Variants in GRID2 observed in about 807,000 individuals in gnomAD.
GRID2 encodes glutamate receptor ionotropic, delta-2.
A neutral mutation model predicts 114.8 loss-of-function variants in GRID2; 33 were observed. That is an observed-to-expected ratio of 0.29 (90% CI 0.22 to 0.38). The LOEUF (loss-of-function observed/expected upper bound fraction) is 0.38, where lower values mean the gene tolerates loss of function less well. Among genes scored for constraint, GRID2 ranks in the 10% least tolerant of loss-of-function variants. GRID2 has a pLI of 1.00. For missense variants in GRID2, 1,184 were observed against 1,257.7 expected (o/e 0.94, Z 0.89); for synonymous variants, 505 against 449.9 (o/e 1.12, Z -1.55).
chr4:93,752,141 A>G (rs930274620), intron 14 of GRID2, among the ~76,000 whole-genome samples: 1 of 152,144 alleles, frequency 6.6e-6, no homozygotes, highest in Non-Finnish European at 1.5e-5. Flanking sequence ...TAGTCTTTAT[A>G]ATGATTATAA....
intron 1 of GRID2, among the ~76,000 whole-genome samples, chr4:92,339,154 C>G (rs1296407357): frequency 6.6e-6 from 1 of 151,944 alleles, no homozygotes; most frequent in Non-Finnish European, 1.5e-5. Flanking sequence ...TACCATGTAT[C>G]AAAAAATAAA....
chr4:93,738,520 G>A (rs186981252), intron 14 of GRID2, among the ~76,000 whole-genome samples: 1 of 152,138 alleles, frequency 6.6e-6, no homozygotes, highest in African/African-American at 2.4e-5. Flanking sequence ...ATATAACTAG[G>A]GGAAGACTTA....
At chr4:92,729,542 C>T (rs932868963) in intron 2 of GRID2, among the ~76,000 whole-genome samples, 4 of 152,042 alleles carry the variant, frequency 2.6e-5, no homozygotes, top group African/African-American at 9.6e-5. Flanking sequence ...TTTGGCATTT[C>T]CTGAAGCATT....
intron 1 of GRID2, among the ~76,000 whole-genome samples, chr4:92,467,433 A>G (rs868000928): frequency 1.3e-5 from 2 of 152,012 alleles, no homozygotes; most frequent in Non-Finnish European, 2.9e-5. Flanking sequence ...TTTAATCTAA[A>G]CTAGACTGAT....
At chr4:93,508,339 G>A (rs1277258001) in intron 12 of GRID2, among the ~76,000 whole-genome samples, 1 of 151,696 alleles carries the variant, frequency 6.6e-6, no homozygotes, top group African/African-American at 2.4e-5. Flanking sequence ...TGGGACTGCA[G>A]GCACCCACCA....
chr4:92,941,070 A>T (rs1241593052), intron 2 of GRID2, among the ~76,000 whole-genome samples: 1 of 152,166 alleles, frequency 6.6e-6, no homozygotes, highest in African/African-American at 2.4e-5. Context: ...TATCAGGATG[A>T]TGCTGGCCTC....
chr4:93,454,683 C>A (rs1207688873), intron 10 of GRID2, among the ~76,000 whole-genome samples: 1 of 152,004 alleles, frequency 6.6e-6, no homozygotes, highest in African/African-American at 2.4e-5. Flanking sequence ...TGTTACTTTT[C>A]ATATCTTTCT....
intron 8 of GRID2, among the ~76,000 whole-genome samples, chr4:93,328,987 T>G (rs1758150737): frequency 6.6e-6 from 1 of 152,206 alleles, no homozygotes; most frequent in Admixed American, 6.5e-5. Flanking sequence ...GCAGTTTTAG[T>G]ACCTACTATA....
chr4:92,925,284 G>C (rs528437133), intron 2 of GRID2, among the ~76,000 whole-genome samples: 51 of 152,166 alleles, frequency 3.4e-4, no homozygotes, highest in African/African-American at 1.1e-3. Context: ...TGAGATTTCT[G>C]TGTCAAGGTT....
chr4:92,672,768 G>C (rs984823620), intron 2 of GRID2, among the ~76,000 whole-genome samples: 4 of 152,038 alleles, frequency 2.6e-5, no homozygotes, highest in Non-Finnish European at 5.9e-5. Context: ...ATATAATCAA[G>C]TCAGGGTAAT....
intron 4 of GRID2, among the ~76,000 whole-genome samples, chr4:93,176,478 T>C (rs1008851300): frequency 6.6e-6 from 1 of 152,184 alleles, no homozygotes; most frequent in African/African-American, 2.4e-5. Context: ...AAAACATGAA[T>C]TTAACATTTA....
At chr4:93,625,987 G>A (rs1742694354) in intron 13 of GRID2, among the ~76,000 whole-genome samples, 1 of 152,112 alleles carries the variant, frequency 6.6e-6, no homozygotes, top group African/African-American at 2.4e-5. Flanking sequence ...CATTGTATTA[G>A]GTATCATAAG....
At chr4:93,050,421 T>A (rs1726582257) in intron 2 of GRID2, among the ~76,000 whole-genome samples, 1 of 151,828 alleles carries the variant, frequency 6.6e-6, no homozygotes. Context: ...CAAAGTGTAA[T>A]CAGCAGCTGC....
At chr4:92,470,373 C>A (rs1579421089) in intron 1 of GRID2, among the ~76,000 whole-genome samples, 1 of 151,260 alleles carries the variant, frequency 6.6e-6, no homozygotes, top group East Asian at 1.9e-4. Context: ...TAATTTTAAC[C>A]CCCTGTGAAA....
intron 1 of GRID2, among the ~76,000 whole-genome samples, chr4:92,395,548 A>G (rs1730453324): frequency 6.6e-6 from 1 of 151,662 alleles, no homozygotes; most frequent in Non-Finnish European, 1.5e-5. Context: ...CCAAAGCTCA[A>G]CCCCAGGAAT....
intron 10 of GRID2, among the ~76,000 whole-genome samples, chr4:93,440,627 A>G (rs1282526416): frequency 6.6e-6 from 1 of 152,168 alleles, no homozygotes; most frequent in African/African-American, 2.4e-5. Context: ...CTGTTTGTAT[A>G]TAAGTACAAG....
intron 1 of GRID2, among the ~76,000 whole-genome samples, chr4:92,561,882 T>G (rs968479166): frequency 6.6e-6 from 1 of 152,204 alleles, no homozygotes; most frequent in Non-Finnish European, 1.5e-5. Flanking sequence ...TTACTGCTAA[T>G]GCATGTCAGA....
chr4:92,718,172 C>T (rs1237585747), intron 2 of GRID2, among the ~76,000 whole-genome samples: 1 of 151,878 alleles, frequency 6.6e-6, no homozygotes, highest in African/African-American at 2.4e-5. Flanking sequence ...AAATTTGAGA[C>T]TATTTTGCAA....
At chr4:92,523,289 T>G (rs923141556) in intron 1 of GRID2, among the ~76,000 whole-genome samples, 6 of 152,052 alleles carry the variant, frequency 3.9e-5, no homozygotes, top group Non-Finnish European at 7.4e-5. Flanking sequence ...AAGATATTTT[T>G]GACTTGTTTC....
Sources: allele counts gnomAD v4.1 joint callset (sites outside exome capture counted in the v4.1 genomes callset), GRCh38; gene constraint gnomAD v4.1.1; transcripts MANE v1.5; gene names NCBI Gene and HGNC (gene_info 2026-07-23, HGNC 2026-07-21).